NFE2L1: variants seen among roughly 807,000 people sequenced by gnomAD.
NFE2L1 encodes the protein NFE2 like bZIP transcription factor 1.
Under a neutral mutation model 61.6 loss-of-function variants are expected in NFE2L1, and 18 were observed. The ratio of observed to expected loss-of-function variants is 0.29; its 90% CI spans 0.20 to 0.43. The LOEUF (loss-of-function observed/expected upper bound fraction) is 0.43, where lower values mean the gene tolerates loss of function less well. Among genes scored for constraint, NFE2L1 ranks in the 20% least tolerant of loss-of-function variants. The pLI, the probability that NFE2L1 is intolerant of heterozygous loss-of-function variation, is 1.00. For missense variants in NFE2L1, 827 were observed against 973.5 expected, an observed-to-expected ratio of 0.85 and a Z score of 2.00; for synonymous variants, 419 against 402.7, an observed-to-expected ratio of 1.04 and a Z score of -0.48.
chr17:48,054,086 C>T (rs1474848011), intron 2 of NFE2L1, among the ~76,000 whole-genome samples: 1 of 152,200 alleles, frequency 6.6e-6, no homozygotes, highest in African/African-American at 2.4e-5. Flanking sequence ...CTCGTGATCC[C>T]TGGCCTTGAG....
Position 48,058,663 on chromosome 17 carries a change from G to A in NFE2L1, c.1341G>A (p.Leu447=). ...GGGGTCTGTTAGATGAAGCTATGTT[G>A]GATGAGATCAGCCTTATGGACCTGG... ...PLGGLLDEAM[L]DEISLMDLAI... The change falls in exon 6 of 6, where the codon TTG becomes TTA. Residue 447 remains leucine (L), a synonymous_variant. Transcript: ENST00000362042. 1 of 1,614,190 alleles carries A rather than the reference G, an allele frequency of 6.2e-7. No individual in the cohort carries two copies. The highest frequency in any genetic ancestry group is 8.5e-7 in the Non-Finnish European group (1 of 1,180,040).
At chr17:48,056,168 T>C (rs2037395145) in intron 2 of NFE2L1, 2 of 631,120 alleles carry the variant, frequency 3.2e-6, no homozygotes, top group South Asian at 3.7e-5. Context: ...ATGGTTTTGC[T>C]AGTGGCTCTT....
At position 48,056,565 on chromosome 17, in the gene NFE2L1, G is replaced by A. The variant is rs1487943222; in HGVS notation, c.690G>A (p.Val230=). 1.9e-6 allele frequency: 3 copies of A among 1,613,550 alleles called. No homozygotes were observed. The highest frequency in any genetic ancestry group is 2.7e-5 in the African/African-American group (2 of 74,906). The part of the protein sequence containing the change: ...GAEALARNLL[V]DGETGESFPA... Reference sequence around the variant, plus strand: ...AAGCTCTGGCACGGAACCTGCTAGTGGATGGAGAGACTGGGGAGAGCTTCC... The same window carrying A: ...AAGCTCTGGCACGGAACCTGCTAGTAGATGGAGAGACTGGGGAGAGCTTCC... The change falls in exon 3 of 6, where the codon GTG becomes GTA. Residue 230 remains valine (V), a synonymous_variant. Transcript: ENST00000362042.
chr17:48,057,510 T>G lies in NFE2L1; in HGVS notation c.972+8T>G. 6.2e-7 allele frequency: 1 copy of G among 1,610,430 alleles called. No homozygotes were observed. The highest frequency in any genetic ancestry group is 8.5e-7 in the Non-Finnish European group (1 of 1,178,312). ...TCCATCATGGAAATGCAGGTAGGAT[T>G]GTCGGAACCGGGCACAAACCTATTG... On this transcript the variant is annotated splice_region_variant and intron_variant, in intron 5 of 5. Transcript: ENST00000362042.
At chr17:48,050,378 C>G (rs943945555) in intron 1 of NFE2L1, among the ~76,000 whole-genome samples, 2 of 151,958 alleles carry the variant, frequency 1.3e-5, no homozygotes, top group African/African-American at 4.8e-5. Flanking sequence ...ACTTGGGAGG[C>G]TGAGGCAGGA....
chr17:48,059,224 T>C lies in NFE2L1; in HGVS notation c.1902T>C (p.Pro634=). The C allele has an allele frequency of 6.2e-7, 1 of 1,614,114 alleles. No individual in the cohort carries two copies. Among genetic ancestry groups the C allele is most frequent in the Non-Finnish European group, 8.5e-7 (1 of 1,180,028 alleles). ...CCAATGACAAAATCATCAACCTGCC[T>C]GTGGAGGAGTTCAATGAACTGCTGT... ...PFTNDKIINL[P]VEEFNELLSK... is the part of the protein sequence containing the mutation. Residue 634 remains proline, a synonymous_variant, in exon 6 of 6, where the codon CCT becomes CCC. Coordinates refer to ENST00000362042, the MANE Select transcript of NFE2L1 (RefSeq NM_003204.3). This position sits in a 1 kb window ranked among gnomAD's most constrained non-coding sequence, Gnocchi z 6.1.
chr17:48,056,227 T>TG (rs2037397472), intron 2 of NFE2L1, among the ~76,000 whole-genome samples, 159 bp from the exon 3 acceptor site: 1 of 152,036 alleles, frequency 6.6e-6, no homozygotes. Context: ...AATGAACACT[T>TG]GCTGGTGCAG....
intron 2 of NFE2L1, chr17:48,054,966 GC>G: frequency 1.4e-6 from 2 of 1,472,758 alleles, no homozygotes; most frequent in Non-Finnish European, 1.8e-6. Context: ...GCTCCTTGCA[GC>G]CCCCTGTCCG....
chr17:48,059,596 G>T lies in NFE2L1; in HGVS notation c.2274G>T (p.Gln758His). The T allele has an allele frequency of 6.3e-7, 1 of 1,584,488 alleles. No individual in the cohort carries two copies. The highest frequency in any genetic ancestry group is 8.6e-7 in the Non-Finnish European group (1 of 1,162,588). The part of the protein sequence containing the change: ...VLLIPRTMAD[Q>H]QARRQERKPK... The stretch of plus-strand genomic sequence containing the variant: ...TCATCCCCCGCACGATGGCCGACCA[G>T]CAGGCCCGGCGGCAGGAGAGGAAGC... The change falls in exon 6 of 6, where the codon CAG becomes CAT. Residue 758 changes from glutamine (Q) to histidine (H), a missense_variant. Gln to His is a conservative substitution (Grantham distance 24). Transcript: ENST00000362042. The surrounding 1 kb of genome is among the most constrained non-coding windows in gnomAD (Gnocchi z 6.1).
chr17:48,049,714 T>C (rs528857103), intron 1 of NFE2L1, among the ~76,000 whole-genome samples: 1 of 152,284 alleles, frequency 6.6e-6, no homozygotes, highest in African/African-American at 2.4e-5. Flanking sequence ...GTTGTGAGGA[T>C]AGGAAAGGGA....
chr17:48,060,436 A>G lies in NFE2L1; in HGVS notation c.*795A>G, dbSNP rs2037526317. ...ATGTCATTCACTGCCTTGCCACTCC[A>G]TCTCCCTCCGTGCTCCAGCCACCCC... On this transcript the variant is annotated 3_prime_UTR_variant, in exon 6 of 6. Transcript: ENST00000362042. The G allele has an allele frequency of 6.5e-6, 1 of 152,902 alleles. No homozygotes were observed. The highest frequency in any genetic ancestry group is 1.5e-5 in the Non-Finnish European group (1 of 68,202). 9.5% of individuals were successfully genotyped at this position (152,902 alleles called of 1,614,324 possible). A position where few individuals can be genotyped will look rare whatever the true frequency, so the allele number is the denominator to read the frequency against.
chr17:48,054,583 C>G (rs2037341671), intron 2 of NFE2L1: 2 of 1,211,280 alleles, frequency 1.7e-6, no homozygotes, highest in Admixed American at 1.0e-4. Flanking sequence ...TCTGCAGCCT[C>G]AGCAGTGACC....
intron 2 of NFE2L1, 41 bp downstream of exon 2, chr17:48,051,669 G>C (rs771609173): frequency 1.3e-6 from 2 of 1,569,264 alleles, no homozygotes; most frequent in Non-Finnish European, 1.7e-6. Context: ...CTGGGGCTTG[G>C]GGGTGGGCTG....
chr17:48,054,937 T>C, intron 2 of NFE2L1: 1 of 1,438,924 alleles, frequency 6.9e-7, no homozygotes, highest in Non-Finnish European at 9.1e-7. Context: ...CAGCCTGGTG[T>C]GCTCCCTGAA....
At chr17:48,051,742 C>A in intron 2 of NFE2L1, 114 bp downstream of exon 2, 1 of 1,316,458 alleles carries the variant, frequency 7.6e-7, no homozygotes, top group Non-Finnish European at 1.0e-6. Flanking sequence ...TTCAGCAGGG[C>A]CTCAGGCACT....
rs902641896 is a variant in NFE2L1 at position 48,058,843 on chromosome 17, T to C, written c.1521T>C (p.Ser507=). 6.2e-7 allele frequency: 1 copy of C among 1,613,678 alleles called. No individual in the cohort carries two copies. Among genetic ancestry groups the C allele is most frequent in the Non-Finnish European group, 8.5e-7 (1 of 1,179,932 alleles). The change falls in exon 6 of 6, where the codon TCT becomes TCC. Residue 507 remains serine (S), a synonymous_variant. Transcript: ENST00000362042. ...SSSSSSSSSS[S]SSASSSASSS... is the part of the protein sequence containing the mutation. ...CTTCTTCCTCCTCCTCTTCCTCTTC[T>C]TCCTCTGCTTCTTCCTCTGCCTCTT...
chr17:48,057,657 C>T (rs1290069386), intron 5 of NFE2L1, among the ~76,000 whole-genome samples, 155 bp downstream of exon 5: 2 of 152,172 alleles, frequency 1.3e-5, no homozygotes, highest in Non-Finnish European at 2.9e-5. Context: ...CAGGTGTGTC[C>T]TTGGGGCAAT....
In NFE2L1 at chr17:48,059,740, T is replaced by G. The variant is rs1039909119; in HGVS notation, c.*99T>G. 6.2e-6 allele frequency: 9 copies of G among 1,445,972 alleles called. No individual in the cohort carries two copies. In the African/African-American group the frequency reaches 1.1e-4, roughly 18 times the overall value. 89.6% of individuals were successfully genotyped at this position (1,445,972 alleles called of 1,614,324 possible). ...GACCTACAGCGGGGACTTAAATGCC[T>G]TCTTATCCAATATATCTTCTCAGAT... On this transcript the variant is annotated 3_prime_UTR_variant, in exon 6 of 6. Transcript: ENST00000362042. This position sits in a 1 kb window ranked among gnomAD's most constrained non-coding sequence, Gnocchi z 6.1.
chr17:48,050,837 T>C lies in NFE2L1; in HGVS notation c.-282T>C, dbSNP rs2037230825. 6.7e-6 allele frequency: 4 copies of C among 593,986 alleles called. No homozygotes were observed. The highest frequency in any genetic ancestry group is 1.2e-5 in the Non-Finnish European group (4 of 334,272). 36.8% of individuals were successfully genotyped at this position (593,986 alleles called of 1,614,324 possible). ...TGGAGAAAGTAAGTCACGTGGGCCC[T>C]TGAGGACCTGGACTGGGTTAGGAAC... On this transcript the variant is annotated 5_prime_UTR_variant, in exon 2 of 6. Coordinates refer to ENST00000362042, the MANE Select transcript of NFE2L1 (RefSeq NM_003204.3).
Sources: gnomAD v4.1 joint callset for allele counts (sites outside exome capture counted in the v4.1 genomes callset) on GRCh38, gnomAD v4.1.1 for gene constraint, Gnocchi (gnomAD v3.1) non-coding constraint, MANE v1.5 for transcripts, NCBI Gene and HGNC (gene_info 2026-07-23, HGNC 2026-07-21) for gene names.